Variants in DRAM1 observed in about 807,000 individuals in gnomAD.
DRAM1 encodes the protein DNA damage-regulated autophagy modulator protein 1.
A neutral mutation model predicts 28.5 loss-of-function variants in DRAM1; 25 were observed. The ratio of observed to expected loss-of-function variants is 0.88; its 90% CI spans 0.64 to 1.23. The LOEUF is 1.23. DRAM1 is among the 50% of genes most tolerant of loss of function. The pLI is 0.00. For synonymous variants in DRAM1, 113 were observed against 114.2 expected, an observed-to-expected ratio of 0.99 and a Z score of 0.07; for missense variants, 249 against 299.2, an observed-to-expected ratio of 0.83 and a Z score of 1.24.
intron 1 of DRAM1, among the ~76,000 whole-genome samples, chr12:101,894,505 G>T (rs895089927): frequency 2.0e-5 from 3 of 152,098 alleles, no homozygotes; most frequent in African/African-American, 7.2e-5. Context: ...ATCCTCCTCG[G>T]CCTCCCAAAA....
chr12:101,884,888 C>T (rs1872827183), intron 1 of DRAM1, among the ~76,000 whole-genome samples: 1 of 150,878 alleles, frequency 6.6e-6, no homozygotes, highest in South Asian at 2.1e-4. Flanking sequence ...TGGGTTATGA[C>T]AAGTGTGTGT....
In DRAM1 at chr12:101,908,371, T is replaced by C; in HGVS notation, c.520+8T>C. 1 of 1,600,742 alleles carries C rather than the reference T, an allele frequency of 6.2e-7. No homozygotes were observed. Among genetic ancestry groups the C allele is most frequent in the Non-Finnish European group, 8.5e-7 (1 of 1,175,252 alleles). ...GCGCAGCTGTCATCCCCAGTATCCTTTTTCACATTTGTGCCTTGTTAAAGG... is the reference window on the plus strand; with the variant it reads ...GCGCAGCTGTCATCCCCAGTATCCTCTTTCACATTTGTGCCTTGTTAAAGG... On this transcript the variant is annotated splice_region_variant and intron_variant, in intron 4 of 6. Transcript: ENST00000258534.
Position 101,908,269 on chromosome 12 carries a change from C to T in DRAM1, c.426C>T (p.Ile142=), listed in dbSNP as rs1343335661. The T allele has an allele frequency of 1.9e-6, 3 of 1,614,040 alleles. No homozygotes were observed. The highest frequency in any genetic ancestry group is 2.5e-6 in the Non-Finnish European group (3 of 1,180,048). The stretch of plus-strand genomic sequence containing the variant: ...TCGTGTACACGCTCCTACAGTCCAT[C>T]ATCTCTTACAAATCATGTCCCCAGT... ...CGVVYTLLQS[I]ISYKSCPQWN... is the part of the protein sequence containing the mutation. Residue 142 remains isoleucine (I), a synonymous_variant, in exon 4 of 7, where the codon ATC becomes ATT. Transcript: ENST00000258534.
intron 1 of DRAM1, among the ~76,000 whole-genome samples, chr12:101,897,269 G>A (rs147426229): frequency 0.024 from 3,667 of 151,742 alleles, 155 homozygotes; most frequent in African/African-American, 0.084. Flanking sequence ...GCATGATCTC[G>A]GCTCACCATA....
chr12:101,890,280 A>C, intron 1 of DRAM1: 1 of 307,414 alleles, frequency 3.3e-6, no homozygotes, highest in South Asian at 2.5e-5. Flanking sequence ...GGGTTTCACC[A>C]TGTTGCCCAG....
chr12:101,912,830 C>T (rs1298579496), intron 4 of DRAM1, among the ~76,000 whole-genome samples: 3 of 150,948 alleles, frequency 2.0e-5, no homozygotes, highest in African/African-American at 4.9e-5. Context: ...CAGGTTCAAG[C>T]GATTCTCCTG....
At chr12:101,904,374 A>T (rs1169342896) in intron 3 of DRAM1, among the ~76,000 whole-genome samples, 1 of 120,342 alleles carries the variant, frequency 8.3e-6, no homozygotes, top group African/African-American at 3.6e-5. Flanking sequence ...TAACTCTGTC[A>T]GTATTCACAT....
intron 3 of DRAM1, among the ~76,000 whole-genome samples, chr12:101,906,466 C>T (rs578219152): frequency 1.3e-5 from 2 of 152,252 alleles, no homozygotes; most frequent in South Asian, 4.1e-4. Flanking sequence ...CTTTAACTTG[C>T]CCTTTGCAAA....
intron 4 of DRAM1, among the ~76,000 whole-genome samples, chr12:101,908,778 A>G (rs1471361828): frequency 6.6e-6 from 1 of 151,748 alleles, no homozygotes; most frequent in Non-Finnish European, 1.5e-5. Flanking sequence ...GGATCTTACA[A>G]GGAAGTGCAC....
rs771666007 is a variant in DRAM1 at position 101,908,294 on chromosome 12, T to G, written c.451T>G (p.Trp151Gly). Reference sequence around the variant, plus strand: ...CATCTCTTACAAATCATGTCCCCAGTGGAACAGTCTCTCGACATGCCACAT... The same window carrying G: ...CATCTCTTACAAATCATGTCCCCAGGGGAACAGTCTCTCGACATGCCACAT... ...SIISYKSCPQ[W>G]NSLSTCHIRM... The change falls in exon 4 of 7, where the codon TGG becomes GGG. Residue 151 changes from tryptophan (W) to glycine (G), a missense_variant. Physicochemically the swap from Trp to Gly is radical, Grantham distance 184 (BLOSUM62 -2). This residue lies in a region of DRAM1 where 218 missense variants were observed against 243.1 expected (regional missense o/e 0.90). Transcript: ENST00000258534. 8.3e-5 allele frequency: 134 copies of G among 1,614,062 alleles called. No homozygotes were observed. The highest frequency in any genetic ancestry group is 1.1e-4 in the Non-Finnish European group (127 of 1,180,040).
chr12:101,921,489 GA>G lies in DRAM1; in HGVS notation c.*230del, dbSNP rs1199316571. ...TGATGTTTTTATAATTTTCTAAGTA[GA>G]TTTTTTTATATTAACAAATTCATAT... is the stretch of plus-strand genomic sequence containing the variant. On this transcript the variant is annotated 3_prime_UTR_variant, in exon 7 of 7. Transcript: ENST00000258534. 31 of 357,890 alleles carry G rather than the reference GA, an allele frequency of 8.7e-5. No homozygotes were observed. The highest frequency in any genetic ancestry group is 6.1e-4 in the African/African-American group (29 of 47,346). 22.2% of individuals were successfully genotyped at this position (357,890 alleles called of 1,614,324 possible). A position where few individuals can be genotyped will look rare whatever the true frequency, so the allele number is the denominator to read the frequency against.
At chr12:101,900,527 G>T (rs1873560415) in intron 2 of DRAM1, among the ~76,000 whole-genome samples, 1 of 152,158 alleles carries the variant, frequency 6.6e-6, no homozygotes, top group African/African-American at 2.4e-5. Flanking sequence ...AAAGAAAATT[G>T]TAAACATGCA....
intron 4 of DRAM1, among the ~76,000 whole-genome samples, chr12:101,909,574 T>A (rs1873960722): frequency 2.0e-5 from 3 of 152,212 alleles, no homozygotes; most frequent in Admixed American, 1.3e-4. Context: ...TACTCATTCA[T>A]GTGAAGAAAT....
At chr12:101,890,793 C>T (rs7316223) in intron 1 of DRAM1, among the ~76,000 whole-genome samples, 94,622 of 148,568 alleles carry the variant, frequency 0.64, 31,774 homozygotes, top group East Asian at 0.91. Flanking sequence ...CTCTGTCACC[C>T]AGGCTGGAGT....
In DRAM1 at chr12:101,920,041, T is replaced by C. The variant is rs528518823; in HGVS notation, c.580-68T>C. Reference sequence around the variant, plus strand: ...TTTTCCTTTGGTTGAAACTCCTCATTGTATTTCAGTATGTACATTAAAGTG... The same window carrying C: ...TTTTCCTTTGGTTGAAACTCCTCATCGTATTTCAGTATGTACATTAAAGTG... On this transcript the variant is annotated intron_variant, in intron 5 of 6. Coordinates refer to ENST00000258534, the MANE Select transcript of DRAM1 (RefSeq NM_018370.3). 8 of 1,131,362 alleles carry C rather than the reference T, an allele frequency of 7.1e-6. No individual in the cohort carries two copies. In the Admixed American group the frequency reaches 1.3e-4, roughly 18 times the overall value. 70.1% of individuals were successfully genotyped at this position (1,131,362 alleles called of 1,614,324 possible).
At chr12:101,892,411 T>TC in intron 1 of DRAM1, among the ~76,000 whole-genome samples, 1 of 72,644 alleles carries the variant, frequency 1.4e-5, no homozygotes, top group South Asian at 4.9e-4. Flanking sequence ...AATTTTTTTT[T>TC]TTTTTTTTTT....
rs201758425 is a variant in DRAM1 at position 101,917,524 on chromosome 12, T to TAA, written c.580-2572_580-2571dup. ...CAATATGGCGAAACCCTGTCTGTACTAAAAAAAAAAAAAATTTTTGGTGTA... is the reference window on the plus strand; with the variant it reads ...CAATATGGCGAAACCCTGTCTGTACTAAAAAAAAAAAAAAAATTTTTGGTGTA... On this transcript the variant is annotated intron_variant, in intron 5 of 6. Coordinates refer to ENST00000258534, the MANE Select transcript of DRAM1 (RefSeq NM_018370.3). Among the ~76,000 whole-genome samples the TAA allele has an allele frequency of 1.3e-3, 186 of 145,716 alleles. 2 individuals are homozygous for TAA. Among genetic ancestry groups the TAA allele is most frequent in the African/African-American group, 4.1e-3 (161 of 39,328 alleles).
chr12:101,887,971 T>C (rs1872952396), intron 1 of DRAM1, among the ~76,000 whole-genome samples: 1 of 152,232 alleles, frequency 6.6e-6, no homozygotes, highest in Admixed American at 6.5e-5. Context: ...ACTCAGTTAA[T>C]GAGGGCTGTG....
At chr12:101,915,567 A>G (rs1367512799) in intron 5 of DRAM1, among the ~76,000 whole-genome samples, 1 of 144,980 alleles carries the variant, frequency 6.9e-6, no homozygotes, top group Non-Finnish European at 1.5e-5. Context: ...TTTGAGACGG[A>G]GTTTCGCCCT....
Sources: gnomAD v4.1 joint callset for allele counts (sites outside exome capture counted in the v4.1 genomes callset) on GRCh38, gnomAD v4.1.1 for gene constraint, gnomAD v4.1.1 regional missense constraint, MANE v1.5 for transcripts, NCBI Gene and HGNC (gene_info 2026-07-23, HGNC 2026-07-21) for gene names.